PLCG2: variants seen among roughly 807,000 people sequenced by gnomAD.
PLCG2 encodes the protein phospholipase C gamma 2.
Under a neutral mutation model 175.6 loss-of-function variants are expected in PLCG2, and 69 were observed. The observed-to-expected ratio is 0.39, with a 90% CI of 0.32 to 0.48. The LOEUF is 0.48. PLCG2 is among the 20% of genes least tolerant of loss of function. The pLI is 0.91. For missense variants in PLCG2, 1,798 were observed against 1,650.9 expected, an observed-to-expected ratio of 1.09 and a Z score of -1.54; for synonymous variants, 827 against 624.0, an observed-to-expected ratio of 1.33 and a Z score of -4.85.
chr16:81,742,587 A>G (rs1909619097), intron 1 of PLCG2, among the ~76,000 whole-genome samples: 1 of 152,224 alleles, frequency 6.6e-6, no homozygotes, highest in Non-Finnish European at 1.5e-5. Flanking sequence ...CAGTGGTTTC[A>G]GGAGCGCTTA....
intron 2 of PLCG2, among the ~76,000 whole-genome samples, chr16:81,799,858 G>T (rs955714697): frequency 1.3e-5 from 2 of 152,192 alleles, no homozygotes; most frequent in African/African-American, 2.4e-5. Flanking sequence ...CTCCTAAAGT[G>T]CTGGGATTAC....
intron 9 of PLCG2, among the ~76,000 whole-genome samples, chr16:81,884,129 T>A (rs1306087928): frequency 6.6e-6 from 1 of 152,092 alleles, no homozygotes; most frequent in Non-Finnish European, 1.5e-5. Context: ...GGCGGGCGGA[T>A]CACTTGAAGC....
In PLCG2 at chr16:81,910,709, C is replaced by A. The variant is rs374927413; in HGVS notation, c.1923C>A (p.His641Gln). 2 of 1,608,970 alleles carry A rather than the reference C, an allele frequency of 1.2e-6. No homozygotes were observed. Among genetic ancestry groups the A allele is most frequent in the Admixed American group, 1.7e-5 (1 of 60,028 alleles). ...LTDPVPNPNPHESKPWYYDSL... is the reference protein window; with the variant it reads ...LTDPVPNPNPQESKPWYYDSL... ...ACCCTGTGCCCAACCCCAACCCCCA[C>A]GAGTCCAAGCCGTACGTGTCTGAGG... Residue 641 changes from histidine to glutamine, a missense_variant, in exon 18 of 33, where the codon CAC becomes CAA. By Grantham distance (24) the His-to-Gln change is conservative. Transcript: ENST00000564138.
intron 2 of PLCG2, among the ~76,000 whole-genome samples, chr16:81,840,638 G>T (rs77146682): frequency 6.6e-6 from 1 of 152,112 alleles, no homozygotes; most frequent in Admixed American, 6.5e-5. Context: ...GGTTTGTGCT[G>T]CCATGAGAAT....
intron 2 of PLCG2, among the ~76,000 whole-genome samples, chr16:81,824,631 A>G (rs116044047): frequency 4.6e-5 from 7 of 152,164 alleles, no homozygotes; most frequent in Non-Finnish European, 8.8e-5. Flanking sequence ...GAGACTGGGC[A>G]TTCAGATTCA....
chr16:81,776,363 C>G (rs932301323), upstream of PLCG2, among the ~76,000 whole-genome samples: 1 of 152,056 alleles, frequency 6.6e-6, no homozygotes. Context: ...CCCGCCTCAG[C>G]CTCCCAGGGT....
At chr16:81,872,183 C>G (rs868225849) in intron 7 of PLCG2, among the ~76,000 whole-genome samples, 2 of 152,084 alleles carry the variant, frequency 1.3e-5, no homozygotes, top group African/African-American at 2.4e-5. Context: ...CAAAAATTAG[C>G]CAGGCATGGT....
At chr16:81,763,011 C>T (rs1322191071) in intron 2 of PLCG2, among the ~76,000 whole-genome samples, 2 of 152,094 alleles carry the variant, frequency 1.3e-5, no homozygotes. Flanking sequence ...GAGATATGAT[C>T]ATGCCACTGT....
At chr16:81,766,305 C>T (rs992509986) in intron 2 of PLCG2, among the ~76,000 whole-genome samples, 1 of 152,204 alleles carries the variant, frequency 6.6e-6, no homozygotes, top group South Asian at 2.1e-4. Flanking sequence ...CACTCTGTTT[C>T]TCCTCTGCAG....
At chr16:81,870,284 T>C (rs999066509) in intron 6 of PLCG2, among the ~76,000 whole-genome samples, 1 of 152,224 alleles carries the variant, frequency 6.6e-6, no homozygotes, top group Admixed American at 6.5e-5. Context: ...AGCATAGTAG[T>C]GGTTCTCCCA....
intron 13 of PLCG2, among the ~76,000 whole-genome samples, chr16:81,896,983 A>T (rs1463742380): frequency 2.0e-5 from 3 of 152,222 alleles, no homozygotes; most frequent in Non-Finnish European, 4.4e-5. Context: ...ATTGTTCTAT[A>T]AAGAGCCAGA....
intron 8 of PLCG2, among the ~76,000 whole-genome samples, chr16:81,882,172 T>C (rs565593688): frequency 1.1e-3 from 170 of 152,276 alleles, no homozygotes; most frequent in African/African-American, 3.9e-3. Flanking sequence ...CCCATTACCC[T>C]GGGAAGCCCC....
At chr16:81,856,884 A>G (rs1373903527) in intron 3 of PLCG2, among the ~76,000 whole-genome samples, 1 of 152,182 alleles carries the variant, frequency 6.6e-6, no homozygotes, top group Non-Finnish European at 1.5e-5. Context: ...TCATTCCCAG[A>G]GAAAGAGATG....
chr16:81,881,429 T>C (rs1053147161), intron 8 of PLCG2, among the ~76,000 whole-genome samples: 1 of 152,224 alleles, frequency 6.6e-6, no homozygotes, highest in Non-Finnish European at 1.5e-5. Flanking sequence ...GCAGGACTTA[T>C]CAGGACATTC....
At chr16:81,853,095 C>T (rs748704060) in intron 2 of PLCG2, among the ~76,000 whole-genome samples, 18 of 152,186 alleles carry the variant, frequency 1.2e-4, no homozygotes, top group African/African-American at 3.4e-4. Context: ...CTTTGGGAGG[C>T]TGAGGTGGGC....
In PLCG2 at chr16:81,946,414, T is replaced by C. The variant is rs8056564; in HGVS notation, c.3570+151T>C. 285,913 of 622,128 alleles carry C rather than the reference T, an allele frequency of 0.46. 71,818 individuals are homozygous for C. Among genetic ancestry groups the C allele is most frequent in the Non-Finnish European group, 0.53 (178,419 of 337,584 alleles). The allele number at this position is 622,128 out of a possible 1,614,324, so 38.5% of individuals were successfully genotyped here. On this transcript the variant is annotated intron_variant, in intron 31 of 32. Coordinates refer to ENST00000564138, the MANE Select transcript of PLCG2 (RefSeq NM_002661.5). ...ACATCATACAAGAATTCCTTTTTGCTAATTCCCCAGAGTGTCCTGGGTTTT... is the reference window on the plus strand; with the variant it reads ...ACATCATACAAGAATTCCTTTTTGCCAATTCCCCAGAGTGTCCTGGGTTTT...
rs769831612 is a variant in PLCG2, at chr16:81,958,015, G to C, written c.*17G>C. ...TACTCATAGAAGCTGGGGTATGTGT[G>C]TAAGGGTATTGTGTGTGTGCGCATG... On this transcript the variant is annotated 3_prime_UTR_variant, in exon 33 of 33. Coordinates refer to ENST00000564138, the MANE Select transcript of PLCG2 (RefSeq NM_002661.5). The C allele has an allele frequency of 3.1e-6, 5 of 1,589,236 alleles. No individual in the cohort carries two copies. The African/African-American group carries it at 4.0e-5, about 13-fold the overall frequency.
intron 2 of PLCG2, among the ~76,000 whole-genome samples, chr16:81,806,161 G>A (rs2143273481): frequency 6.6e-6 from 1 of 152,042 alleles, no homozygotes; most frequent in Non-Finnish European, 1.5e-5. Flanking sequence ...GATTCAGACA[G>A]ATTCAATTCT....
chr16:81,921,510 G>A (rs893029464), intron 21 of PLCG2: 16 of 525,506 alleles, frequency 3.0e-5, no homozygotes, highest in African/African-American at 1.7e-4. Flanking sequence ...GAGGTTTGAC[G>A]AACCACCTTT....
Sources: allele counts gnomAD v4.1 joint callset (sites outside exome capture counted in the v4.1 genomes callset), GRCh38; gene constraint gnomAD v4.1.1; transcripts MANE v1.5; gene names NCBI Gene and HGNC (gene_info 2026-07-23, HGNC 2026-07-21).